SLC44A1: variants seen among roughly 807,000 people sequenced by gnomAD.
SLC44A1 encodes choline transporter-like protein 1.
A neutral mutation model predicts 79.3 loss-of-function variants in SLC44A1; 26 were observed. The ratio of observed to expected loss-of-function variants is 0.33; its 90% CI spans 0.24 to 0.46. SLC44A1 has a LOEUF of 0.46. SLC44A1 is among the 20% of genes least tolerant of loss of function. SLC44A1 has a pLI of 1.00. For missense variants in SLC44A1, 688 were observed against 798.1 expected, an observed-to-expected ratio of 0.86 and a Z score of 1.66; for synonymous variants, 263 against 286.2, an observed-to-expected ratio of 0.92 and a Z score of 0.82.
intron 15 of SLC44A1, among the ~76,000 whole-genome samples, chr9:105,388,073 T>C (rs16924552): frequency 0.085 from 12,988 of 152,210 alleles, 1,867 homozygotes; most frequent in African/African-American, 0.3. Context: ...ATACATCTTC[T>C]ATGTGCATTG....
intron 7 of SLC44A1, among the ~76,000 whole-genome samples, chr9:105,358,805 T>G (rs1462859294): frequency 2.6e-5 from 4 of 152,202 alleles, no homozygotes; most frequent in African/African-American, 9.6e-5. Flanking sequence ...TTGTTTTCTC[T>G]CTTTGCTACA....
At chr9:105,433,647 A>C (rs12335407) in intron 15 of SLC44A1, among the ~76,000 whole-genome samples, 8 of 83,230 alleles carry the variant, frequency 9.6e-5, no homozygotes, top group South Asian at 1.0e-3. Context: ...TCACCCCTCC[A>C]CTGCCCAACC....
At chr9:105,339,837 C>G (rs914810138) in intron 4 of SLC44A1, among the ~76,000 whole-genome samples, 8 of 151,930 alleles carry the variant, frequency 5.3e-5, no homozygotes, top group Non-Finnish European at 1.2e-4. Context: ...ACCTCAAAAA[C>G]AAACAAAAAC....
At chr9:105,356,468 G>A in intron 6 of SLC44A1, 87 bp downstream of exon 6, 4 of 836,148 alleles carry the variant, frequency 4.8e-6, no homozygotes, top group Non-Finnish European at 7.3e-6. Context: ...ATACAACTGG[G>A]GATACTTGTA....
chr9:105,360,110 A>T (rs976102480), intron 7 of SLC44A1, among the ~76,000 whole-genome samples: 1 of 152,154 alleles, frequency 6.6e-6, no homozygotes, highest in African/African-American at 2.4e-5. Context: ...CGCATTGCTC[A>T]TTGCAGTAGC....
chr9:105,344,561 TAGCAAATGGTGAAA>T (rs1478322920), intron 4 of SLC44A1, among the ~76,000 whole-genome samples: 1 of 152,202 alleles, frequency 6.6e-6, no homozygotes, highest in African/African-American at 2.4e-5. Context: ...AGTATATTTG[TAGCAAATGGTGAAA>T]AGCATCCGAA....
At chr9:105,263,383 G>A (rs2131216433) in intron 1 of SLC44A1, among the ~76,000 whole-genome samples, 1 of 152,270 alleles carries the variant, frequency 6.6e-6, no homozygotes, top group South Asian at 2.1e-4. Flanking sequence ...GTATGTGTGT[G>A]TGTTTTAAAG....
chr9:105,401,681 G>A (rs927499414), downstream of SLC44A1, among the ~76,000 whole-genome samples: 3 of 152,130 alleles, frequency 2.0e-5, no homozygotes, highest in Non-Finnish European at 1.5e-5. Flanking sequence ...GGAGATGCAC[G>A]TCTCACATTT....
Position 105,362,839 on chromosome 9 carries a change from A to G in SLC44A1, c.919A>G (p.Met307Val). The G allele has an allele frequency of 6.2e-7, 1 of 1,605,296 alleles. No individual in the cohort carries two copies. Among genetic ancestry groups the G allele is most frequent in the Non-Finnish European group, 8.5e-7 (1 of 1,176,714 alleles). ...TVFTVILFLIMLVMRKRVALT... is the reference protein window; with the variant it reads ...TVFTVILFLIVLVMRKRVALT... ...CATACAGGTGATCTTATTCCTGATA[A>G]TGTTGGTTATGCGCAAACGTGTTGC... The change falls in exon 9 of 16, where the codon ATG (methionine) becomes GTG (valine). Residue 307 changes from methionine to valine, a missense_variant. Transcript: ENST00000374720.
intron 1 of SLC44A1, among the ~76,000 whole-genome samples, chr9:105,261,007 A>T (rs1248330029): frequency 6.6e-6 from 1 of 152,212 alleles, no homozygotes; most frequent in Non-Finnish European, 1.5e-5. Context: ...TGGTGCTGAT[A>T]CTTGTCAAGA....
In SLC44A1 at chr9:105,361,186, T is replaced by C; in HGVS notation, c.761-5T>C. On this transcript the variant is annotated splice_region_variant and splice_polypyrimidine_tract_variant and intron_variant, in intron 7 of 15. Transcript: ENST00000374720. ...TGCATTAACAGTTGGGTCTTTTGTCTCCAGGAGGCACAGGTGTACTATGGT... is the reference window on the plus strand; with the variant it reads ...TGCATTAACAGTTGGGTCTTTTGTCCCCAGGAGGCACAGGTGTACTATGGT... 2 of 1,613,960 alleles carry C rather than the reference T, an allele frequency of 1.2e-6. No individual in the cohort carries two copies. The highest frequency in any genetic ancestry group is 1.7e-6 in the Non-Finnish European group (2 of 1,179,834).
At chr9:105,363,148 C>T in intron 9 of SLC44A1, 141 bp downstream of exon 9, 1 of 643,586 alleles carries the variant, frequency 1.6e-6, no homozygotes, top group Non-Finnish European at 2.7e-6. Context: ...TATGGCTCCT[C>T]AACAACCTAC....
rs558649072 is a variant in SLC44A1 at position 105,246,362 on chromosome 9, A to C, written c.36+1458A>C. On this transcript the variant is annotated intron_variant, in intron 1 of 15. Transcript: ENST00000374720. ...TATTAGGTATCCATCCTATCATCCT[A>C]TTCCTCCAGTCTTTTTTTTTTTTTT... Among the ~76,000 whole-genome samples, 57 of 142,836 alleles carry C rather than the reference A, an allele frequency of 4.0e-4. No individual in the cohort carries two copies. In the South Asian group the frequency reaches 0.011, roughly 28 times the overall value. The allele number at this position is 142,836 out of a possible 152,430, so 93.7% of individuals were successfully genotyped here. A position where few individuals can be genotyped will look rare whatever the true frequency, so the allele number is the denominator to read the frequency against.
chr9:105,382,955 ACT>A (rs1828516353), intron 13 of SLC44A1, among the ~76,000 whole-genome samples, 166 bp from the exon 14 acceptor site: 1 of 152,182 alleles, frequency 6.6e-6, no homozygotes, highest in Admixed American at 6.5e-5. Context: ...AGCATGTATA[ACT>A]CTGGGTGTAT....
chr9:105,299,697 G>C (rs1251719315), intron 2 of SLC44A1: 1 of 701,760 alleles, frequency 1.4e-6, no homozygotes, highest in Non-Finnish European at 1.8e-6. Flanking sequence ...CTTCCTAGAT[G>C]GGAGGCTGGT....
intron 2 of SLC44A1, among the ~76,000 whole-genome samples, chr9:105,307,643 TA>T (rs35472593): frequency 0.16 from 22,405 of 138,846 alleles, 2,202 homozygotes; most frequent in African/African-American, 0.3. Context: ...GACTCCATCT[TA>T]AAAAAAAAAA....
At chr9:105,255,196 T>A in intron 1 of SLC44A1, among the ~76,000 whole-genome samples, 1 of 151,960 alleles carries the variant, frequency 6.6e-6, no homozygotes, top group East Asian at 1.9e-4. Flanking sequence ...AAATGCATCC[T>A]TGCAATACAT....
intron 15 of SLC44A1, among the ~76,000 whole-genome samples, chr9:105,421,703 T>G (rs1829252511): frequency 6.6e-6 from 1 of 150,890 alleles, no homozygotes; most frequent in Non-Finnish European, 1.5e-5. Flanking sequence ...TTCTCCTGCC[T>G]CAGCCTCCCG....
chr9:105,294,464 TTTTCC>T (rs1830672961), intron 1 of SLC44A1, among the ~76,000 whole-genome samples: 1 of 151,830 alleles, frequency 6.6e-6, no homozygotes, highest in South Asian at 2.1e-4. Context: ...TTTTTTTTCG[TTTTCC>T]TTTCAGCGAT....
Sources: allele counts gnomAD v4.1 joint callset (sites outside exome capture counted in the v4.1 genomes callset), GRCh38; gene constraint gnomAD v4.1.1; transcripts MANE v1.5; gene names NCBI Gene and HGNC (gene_info 2026-07-23, HGNC 2026-07-21).